Variants in ANLN observed in about 807,000 individuals in gnomAD.
ANLN encodes anillin.
A neutral mutation model predicts 135.1 loss-of-function variants in ANLN; 59 were observed. The ratio of observed to expected loss-of-function variants is 0.44; its 90% CI spans 0.35 to 0.54. The LOEUF is 0.54. Ranked by LOEUF, ANLN falls within the 20% of genes least tolerant of loss-of-function variation. ANLN has a pLI of 0.00. For missense variants in ANLN, 1,182 were observed against 1,340.0 expected (o/e 0.88, Z 1.84); for synonymous variants, 406 against 456.4 (o/e 0.89, Z 1.41).
At chr7:36,424,060 T>C in intron 15 of ANLN, 117 bp downstream of exon 15, 1 of 1,068,456 alleles carries the variant, frequency 9.4e-7, no homozygotes. Flanking sequence ...ACATTCTTTT[T>C]ATATTGACAA....
intron 1 of ANLN, among the ~76,000 whole-genome samples, chr7:36,391,249 T>C (rs1786447081): frequency 6.6e-6 from 1 of 152,226 alleles, no homozygotes; most frequent in Non-Finnish European, 1.5e-5. Flanking sequence ...GCACCAAGTA[T>C]CTTTCACTTA....
intron 20 of ANLN, among the ~76,000 whole-genome samples, chr7:36,430,067 C>T (rs1788251023): frequency 6.6e-6 from 1 of 152,116 alleles, no homozygotes; most frequent in African/African-American, 2.4e-5. Flanking sequence ...TTCCAATTGC[C>T]TGGGTTTGAT....
At chr7:36,446,669 T>C (rs767128710) in intron 22 of ANLN, among the ~76,000 whole-genome samples, 2 of 152,220 alleles carry the variant, frequency 1.3e-5, no homozygotes, top group Non-Finnish European at 2.9e-5. Context: ...AGGGGATTTC[T>C]TGAGAAATCC....
intron 2 of ANLN, 26 bp from the exon 3 acceptor site, chr7:36,399,053 G>A: frequency 6.4e-7 from 1 of 1,559,150 alleles, no homozygotes; most frequent in Non-Finnish European, 8.7e-7. Flanking sequence ...AAATTTGAAT[G>A]TCTTTTTTCA....
intron 17 of ANLN, among the ~76,000 whole-genome samples, chr7:36,425,158 T>A (rs1440788010): frequency 6.6e-6 from 1 of 152,172 alleles, no homozygotes; most frequent in African/African-American, 2.4e-5. Context: ...TAAAAACTTT[T>A]TTTTTTTAGC....
intron 3 of ANLN, among the ~76,000 whole-genome samples, chr7:36,405,174 G>A (rs1363610342): frequency 1.3e-5 from 2 of 152,178 alleles, no homozygotes; most frequent in Non-Finnish European, 2.9e-5. Flanking sequence ...ATTCAGTAGA[G>A]TAACATGCTG....
chr7:36,446,300 A>G (rs1788996160), intron 22 of ANLN, among the ~76,000 whole-genome samples: 1 of 152,106 alleles, frequency 6.6e-6, no homozygotes, highest in Admixed American at 6.5e-5. Flanking sequence ...TAATTTCCCT[A>G]GAATTGATTT....
intron 21 of ANLN, among the ~76,000 whole-genome samples, chr7:36,441,223 G>T (rs1442199290): frequency 6.6e-6 from 1 of 152,138 alleles, no homozygotes; most frequent in Non-Finnish European, 1.5e-5. Context: ...TGGTCCATTT[G>T]CATATAACGT....
intron 21 of ANLN, among the ~76,000 whole-genome samples, chr7:36,439,811 G>T (rs6951673): frequency 0.5 from 76,008 of 151,920 alleles, 19,346 homozygotes; most frequent in East Asian, 0.64. Flanking sequence ...AGAGTTTGAG[G>T]GCATGCATGT....
chr7:36,416,160 AC>A (rs2116632735), intron 8 of ANLN, among the ~76,000 whole-genome samples: 1 of 152,228 alleles, frequency 6.6e-6, no homozygotes, highest in African/African-American at 2.4e-5. Context: ...AGCTGGGATT[AC>A]AGGCGCCTGC....
chr7:36,440,599 C>T lies in ANLN; in HGVS notation c.2970+1309C>T, dbSNP rs184470108. 2.0e-4 allele frequency among the ~76,000 whole-genome samples: 30 copies of T among 152,140 alleles called. No homozygotes were observed. In the East Asian group the frequency reaches 2.1e-3, roughly 11 times the overall value. ...TTTGTTAAGATGGGAGAGACGTAAG[C>T]GGCTTTAAATGTAGATGGGTAGCTT... On this transcript the variant is annotated intron_variant, in intron 21 of 23. Coordinates refer to ENST00000265748, the MANE Select transcript of ANLN (RefSeq NM_018685.5).
At chr7:36,440,076 C>T (rs1236049506) in intron 21 of ANLN, among the ~76,000 whole-genome samples, 3 of 152,136 alleles carry the variant, frequency 2.0e-5, no homozygotes, top group Non-Finnish European at 2.9e-5. Flanking sequence ...TTAAGTTTTA[C>T]GTGATTTGAA....
At chr7:36,452,453 C>G (rs1789285012) in intron 23 of ANLN, 24 bp from the exon 24 acceptor site, 2 of 1,613,398 alleles carry the variant, frequency 1.2e-6, no homozygotes, top group African/African-American at 1.3e-5. Flanking sequence ...GAATTCTGAC[C>G]TCTTTGGTTG....
chr7:36,416,263 C>T (rs1232678934), intron 8 of ANLN, among the ~76,000 whole-genome samples: 2 of 152,206 alleles, frequency 1.3e-5, no homozygotes, highest in African/African-American at 4.8e-5. Context: ...TCGTGATCTG[C>T]TTGCCTTGGC....
At position 36,452,550 on chromosome 7, in the gene ANLN, A is replaced by G. The variant is rs141247770; in HGVS notation, c.3325A>G (p.Ile1109Val). The G allele has an allele frequency of 2.8e-3, 4,575 of 1,614,100 alleles. 10 individuals carry two copies. Among genetic ancestry groups the G allele is most frequent in the Non-Finnish European group, 3.6e-3 (4,224 of 1,179,956 alleles). ...AAAACTCAATCAAGTTCTTGTTGAT[A>G]TTCGCCTCTGGCAACCTGATGCTTG... ...MQKLNQVLVD[I>V]RLWQPDACYK... Residue 1109 changes from isoleucine to valine, a missense_variant, in exon 24 of 24, where the codon ATT becomes GTT. By Grantham distance (29) the Ile-to-Val change is conservative. Transcript: ENST00000265748.
chr7:36,398,360 T>A (rs1786795852), intron 2 of ANLN, among the ~76,000 whole-genome samples: 1 of 152,226 alleles, frequency 6.6e-6, no homozygotes, highest in Non-Finnish European at 1.5e-5. Context: ...TGCTTATTAG[T>A]TATTTTCCAT....
Position 36,433,448 on chromosome 7 carries a change from CCATCATTCTTTTCTGT to C in ANLN, c.2884-5755_2884-5740del, listed in dbSNP as rs1788408666. Among the ~76,000 whole-genome samples the C allele has an allele frequency of 1.3e-5, 2 of 151,246 alleles. 1 individual carries two copies. The highest frequency in any genetic ancestry group is 1.3e-4 in the Admixed American group (2 of 15,226). On this transcript the variant is annotated intron_variant, in intron 20 of 23. Transcript: ENST00000265748. Reference sequence around the variant, plus strand: ...TTGTTTCTAATAAGAAGTCAGCCAGCCATCATTCTTTTCTGTTTTTTTATTTTGCATTTTTAACGGT... The same window carrying C: ...TTGTTTCTAATAAGAAGTCAGCCAGCTTTTTTATTTTGCATTTTTAACGGT...
Position 36,415,829 on chromosome 7 carries a change from A to G in ANLN, c.1467A>G (p.Thr489=), listed in dbSNP as rs1277449334. The G allele has an allele frequency of 6.2e-7, 1 of 1,610,438 alleles. No individual in the cohort carries two copies. The highest frequency in any genetic ancestry group is 8.5e-7 in the Non-Finnish European group (1 of 1,178,778). The part of the protein sequence containing the change: ...GVSKTQSLPV[T]EKVTENQIPA... Reference sequence around the variant, plus strand: ...CAAAAACTCAGTCACTTCCAGTAACAGAAAAGGTGACCGAAAACCAGATAC... The same window carrying G: ...CAAAAACTCAGTCACTTCCAGTAACGGAAAAGGTGACCGAAAACCAGATAC... Residue 489 remains threonine, a synonymous_variant, in exon 8 of 24, where the codon ACA becomes ACG. Transcript: ENST00000265748.
rs971020555 is a variant in ANLN at position 36,410,786 on chromosome 7, C to T, written c.1287+82C>T. On this transcript the variant is annotated intron_variant, in intron 6 of 23. Transcript: ENST00000265748. ...AATCAAAATGGGTTCTGATGCCAGT[C>T]TTTTTGACTGAGATAAGTAGCATCT... 5.1e-6 allele frequency: 7 copies of T among 1,363,620 alleles called. No individual in the cohort carries two copies. The African/African-American group carries it at 1.0e-4, about 20-fold the overall frequency. 84.5% of individuals were successfully genotyped at this position (1,363,620 alleles called of 1,614,324 possible). A position where few individuals can be genotyped will look rare whatever the true frequency, so the allele number is the denominator to read the frequency against.
Sources: gnomAD v4.1 joint callset for allele counts (sites outside exome capture counted in the v4.1 genomes callset) on GRCh38, gnomAD v4.1.1 for gene constraint, MANE v1.5 for transcripts, NCBI Gene and HGNC (gene_info 2026-07-23, HGNC 2026-07-21) for gene names.